PIK3R3: variants seen among roughly 807,000 people sequenced by gnomAD.
PIK3R3 encodes the protein phosphatidylinositol 3-kinase regulatory subunit gamma.
In PIK3R3, 64 loss-of-function variants were observed where a neutral mutation model predicts 62.9. That is an observed-to-expected ratio of 1.02 (90% CI 0.83 to 1.25). The LOEUF is 1.25. Ranked by LOEUF, PIK3R3 falls within the 50% of genes most tolerant of loss-of-function variation. PIK3R3 has a pLI of 0.00. For missense variants in PIK3R3, 614 were observed against 561.6 expected (o/e 1.09, Z -0.94); for synonymous variants, 165 against 189.0 (o/e 0.87, Z 1.04).
intron 1 of PIK3R3, among the ~76,000 whole-genome samples, chr1:46,101,546 C>T (rs569762515): frequency 6.6e-6 from 1 of 152,180 alleles, no homozygotes; most frequent in Admixed American, 6.5e-5. Flanking sequence ...CCCAAATGTC[C>T]ACCAACAGAT....
At chr1:46,142,419 C>T in the PIK3R3 span, among the ~76,000 whole-genome samples, 32 of 152,206 alleles carry the variant, frequency 2.1e-4, no homozygotes, top group Non-Finnish European at 8.8e-5. Flanking sequence ...ATTACAGAGG[C>T]CGGGCGCGGT....
At chr1:46,057,378 A>G (rs1648029767) in intron 6 of PIK3R3, 1 of 152,394 alleles carries the variant, frequency 6.6e-6, no homozygotes. Context: ...GTAAATTAGT[A>G]CTAGTAGAAT....
the PIK3R3 span, among the ~76,000 whole-genome samples, chr1:46,139,650 A>C: frequency 5.3e-5 from 8 of 152,262 alleles, no homozygotes; most frequent in East Asian, 9.7e-4. Context: ...CTAAGACCAT[A>C]AGATCAGGAC....
chr1:46,170,830 T>C, the PIK3R3 span, among the ~76,000 whole-genome samples: 1 of 152,280 alleles, frequency 6.6e-6, no homozygotes, highest in Non-Finnish European at 1.5e-5. Flanking sequence ...GACAGCCACC[T>C]GAATGTAAGG....
chr1:46,132,627 C>T lies in PIK3R3; in HGVS notation c.-675G>A, dbSNP rs903592018. ...CCGCACCAACTGCCCTCAAGCTCTG[C>T]CCGGACTCCAGCCACTAGAGTTTCA... is the stretch of plus-strand genomic sequence containing the variant. On this transcript the variant is annotated 5_prime_UTR_variant, in exon 1 of 10. Transcript: ENST00000262741. 2.3e-6 allele frequency: 3 copies of T among 1,289,714 alleles called. No individual in the cohort carries two copies. Among genetic ancestry groups the T allele is most frequent in the African/African-American group, 3.0e-5 (2 of 65,994 alleles). The allele number at this position is 1,289,714 out of a possible 1,614,324, so 79.9% of individuals were successfully genotyped here. A position where few individuals can be genotyped will look rare whatever the true frequency, so the allele number is the denominator to read the frequency against.
At chr1:46,165,718 T>C in the PIK3R3 span, among the ~76,000 whole-genome samples, 5 of 151,094 alleles carry the variant, frequency 3.3e-5, no homozygotes, top group African/African-American at 1.2e-4. Context: ...GTCTATTTAT[T>C]TGTTTATTTT....
intron 1 of PIK3R3, among the ~76,000 whole-genome samples, chr1:46,091,329 C>T (rs1651613269): frequency 6.6e-6 from 1 of 151,646 alleles, no homozygotes; most frequent in African/African-American, 2.4e-5. Context: ...GTAGTAAAGA[C>T]GGGGTTTCCC....
At chr1:46,161,262 A>ATTT in the PIK3R3 span, among the ~76,000 whole-genome samples, 53 of 139,778 alleles carry the variant, frequency 3.8e-4, no homozygotes, top group African/African-American at 1.2e-3. Context: ...TACCTAGCTA[A>ATTT]TTTTTTTTTT....
At chr1:46,110,206 G>A (rs2149453240) in intron 1 of PIK3R3, among the ~76,000 whole-genome samples, 1 of 150,798 alleles carries the variant, frequency 6.6e-6, no homozygotes, top group Non-Finnish European at 1.5e-5. Flanking sequence ...CTACCTCGCA[G>A]GTTCAAGTGA....
chr1:46,107,513 C>T (rs371611676), intron 1 of PIK3R3, among the ~76,000 whole-genome samples: 72 of 152,276 alleles, frequency 4.7e-4, no homozygotes, highest in African/African-American at 1.7e-3. Flanking sequence ...CAAGATCACG[C>T]CACTGCACTC....
chr1:46,067,253 C>CATATATATATATATAT (rs71307629), intron 3 of PIK3R3, among the ~76,000 whole-genome samples, 162 bp from the exon 4 acceptor site: 528 of 130,254 alleles, frequency 4.1e-3, no homozygotes, highest in African/African-American at 8.3e-3. Context: ...TGTGTGTGAA[C>CATATATATATATATAT]ATATATATAT....
At chr1:46,158,604 A>T in the PIK3R3 span, among the ~76,000 whole-genome samples, 1 of 152,252 alleles carries the variant, frequency 6.6e-6, no homozygotes, top group Non-Finnish European at 1.5e-5. Context: ...ATCTTAAGAA[A>T]GTCCTACAAC....
At chr1:46,120,983 A>G (rs1283726153) in intron 1 of PIK3R3, among the ~76,000 whole-genome samples, 1 of 152,146 alleles carries the variant, frequency 6.6e-6, no homozygotes, top group Non-Finnish European at 1.5e-5. Flanking sequence ...TTATTTATGG[A>G]TATGATATGA....
intron 3 of PIK3R3, among the ~76,000 whole-genome samples, chr1:46,073,381 A>G (rs1462260405): frequency 9.9e-5 from 15 of 152,132 alleles, no homozygotes; most frequent in Admixed American, 9.2e-4. Context: ...GCATTTAGGG[A>G]TGATGGGGTT....
chr1:46,061,195 T>C (rs771548901), intron 6 of PIK3R3, among the ~76,000 whole-genome samples: 11 of 152,206 alleles, frequency 7.2e-5, no homozygotes, highest in Middle Eastern at 3.2e-3. Flanking sequence ...GTACTTCTTA[T>C]TTTGGTGAAA....
At chr1:46,093,176 T>A (rs1651803054) in intron 1 of PIK3R3, among the ~76,000 whole-genome samples, 1 of 152,194 alleles carries the variant, frequency 6.6e-6, no homozygotes, top group African/African-American at 2.4e-5. Flanking sequence ...TAGGAAAAAG[T>A]CCCCAGTACT....
chr1:46,067,196 T>C, intron 3 of PIK3R3, 105 bp from the exon 4 acceptor site: 1 of 742,988 alleles, frequency 1.3e-6, no homozygotes, highest in Non-Finnish European at 2.2e-6. Flanking sequence ...GATAAACAAG[T>C]TTTACTATGT....
chr1:46,046,532 A>G lies in PIK3R3; in HGVS notation c.1016+19T>C, dbSNP rs28550335. 4 of 1,535,102 alleles carry G rather than the reference A, an allele frequency of 2.6e-6. No individual in the cohort carries two copies. Among genetic ancestry groups the G allele is most frequent in the Non-Finnish European group, 3.6e-6 (4 of 1,108,164 alleles). On this transcript the variant is annotated intron_variant, in intron 8 of 9. Coordinates refer to ENST00000262741, the MANE Select transcript of PIK3R3 (RefSeq NM_003629.4). The stretch of plus-strand genomic sequence containing the variant: ...TTGATAACAAAGCCCTCTGACAGAA[A>G]GGTATAGAGAGAACTTACTCATCAG...
chr1:46,079,162 G>C (rs953637530), intron 2 of PIK3R3, among the ~76,000 whole-genome samples: 1 of 152,106 alleles, frequency 6.6e-6, no homozygotes, highest in Non-Finnish European at 1.5e-5. Flanking sequence ...AAGAGAAAGG[G>C]ATAGGTAAGT....
Sources: allele counts gnomAD v4.1 joint callset (sites outside exome capture counted in the v4.1 genomes callset), GRCh38; gene constraint gnomAD v4.1.1; transcripts MANE v1.5; gene names NCBI Gene and HGNC (gene_info 2026-07-23, HGNC 2026-07-21).